MYO9A: variants seen among roughly 807,000 people sequenced by gnomAD.
The protein encoded by MYO9A is unconventional myosin-IXa.
A neutral mutation model predicts 293.3 loss-of-function variants in MYO9A; 103 were observed. That is an observed-to-expected ratio of 0.35 (90% CI 0.30 to 0.41). The LOEUF (loss-of-function observed/expected upper bound fraction) is 0.41. Among genes scored for constraint, MYO9A ranks in the 10% least tolerant of loss-of-function variants. The pLI, the probability that MYO9A is intolerant of heterozygous loss-of-function variation, is 1.00. For synonymous variants in MYO9A, 1,001 were observed against 1,035.7 expected (o/e 0.97, Z 0.64); for missense variants, 2,685 against 3,033.0 (o/e 0.89, Z 2.69).
chr15:71,887,350 G>A (rs557760686), intron 27 of MYO9A, among the ~76,000 whole-genome samples: 22 of 152,034 alleles, frequency 1.4e-4, no homozygotes, highest in Non-Finnish European at 2.2e-4. Flanking sequence ...TAAGCTAAAG[G>A]CAATTAAGAA....
In MYO9A at chr15:71,903,044, T is replaced by C. The variant is rs780704437; in HGVS notation, c.2897A>G (p.His966Arg). 3 of 1,593,616 alleles carry C rather than the reference T, an allele frequency of 1.9e-6. No homozygotes were observed. Among genetic ancestry groups the C allele is most frequent in the East Asian group, 4.5e-5 (2 of 44,660 alleles). Residue 966 changes from histidine (H) to arginine (R), a missense_variant, in exon 22 of 42, where the codon CAT becomes CGT. Coordinates refer to ENST00000356056, the MANE Select transcript of MYO9A (RefSeq NM_006901.4). ...AATAATATTTCGGGGAAGAAGTACA[T>C]GGAAGTGGCTCACAAAATCCTGAAA... Reference protein sequence around the residue: ...YSFQDFVSHFHVLLPRNIIPS... With the variant: ...YSFQDFVSHFRVLLPRNIIPS...
chr15:72,002,269 C>T (rs1332318672), intron 8 of MYO9A, among the ~76,000 whole-genome samples: 3 of 142,290 alleles, frequency 2.1e-5, no homozygotes, highest in Non-Finnish European at 4.6e-5. Context: ...TTTTTTTAGA[C>T]AGAGTTTTAC....
intron 19 of MYO9A, among the ~76,000 whole-genome samples, chr15:71,915,697 C>T (rs1202163670): frequency 1.3e-5 from 2 of 152,060 alleles, no homozygotes; most frequent in East Asian, 3.9e-4. Flanking sequence ...TTTTATACAA[C>T]AGTGAACACT....
chr15:72,075,637 G>A (rs1033060393), intron 1 of MYO9A, among the ~76,000 whole-genome samples: 8 of 151,774 alleles, frequency 5.3e-5, no homozygotes, highest in Non-Finnish European at 8.8e-5. Flanking sequence ...AAATTAAAAC[G>A]AAGAAAGCCA....
Position 72,037,278 on chromosome 15 carries a change from A to C in MYO9A, c.841-4690T>G, listed in dbSNP as rs1041901649. 7.9e-5 allele frequency among the ~76,000 whole-genome samples: 12 copies of C among 151,798 alleles called. 1 individual carries two copies. The highest frequency in any genetic ancestry group is 7.7e-4 in the East Asian group (4 of 5,186). On this transcript the variant is annotated intron_variant, in intron 2 of 41. Transcript: ENST00000356056. ...GAATGGGGCAAAAAAAAAAAAAAAA[A>C]AAAACACCAAACAACTTAAAAGGAA...
chr15:71,845,753 T>C (rs2055357798), intron 39 of MYO9A, among the ~76,000 whole-genome samples: 1 of 152,228 alleles, frequency 6.6e-6, no homozygotes, highest in Non-Finnish European at 1.5e-5. Context: ...TTCTTAACTG[T>C]TAAATTAACT....
At chr15:71,879,867 C>T (rs774711919) in intron 29 of MYO9A, 30 bp from the exon 30 acceptor site, 2 of 1,391,478 alleles carry the variant, frequency 1.4e-6, no homozygotes, top group South Asian at 2.3e-5. Flanking sequence ...TTTTAGTACA[C>T]AATCAACTAA....
intron 34 of MYO9A, among the ~76,000 whole-genome samples, chr15:71,856,615 A>G (rs2055876788): frequency 6.6e-6 from 1 of 152,214 alleles, no homozygotes; most frequent in Non-Finnish European, 1.5e-5. Flanking sequence ...AGGAATAATC[A>G]GTTTATTAGT....
intron 31 of MYO9A, among the ~76,000 whole-genome samples, chr15:71,876,094 C>T (rs2056673774): frequency 6.6e-6 from 1 of 151,852 alleles, no homozygotes; most frequent in Non-Finnish European, 1.5e-5. Flanking sequence ...CAGTTCTGCC[C>T]AGAAGCCACC....
chr15:71,842,066 G>A (rs1232506047), intron 39 of MYO9A, among the ~76,000 whole-genome samples: 1 of 151,956 alleles, frequency 6.6e-6, no homozygotes. Context: ...AATTCTTAAT[G>A]GTTTTACAAA....
chr15:71,881,109 C>A (rs1367905200), intron 28 of MYO9A, among the ~76,000 whole-genome samples: 1 of 151,962 alleles, frequency 6.6e-6, no homozygotes, highest in Non-Finnish European at 1.5e-5. Context: ...AGTAACTCAA[C>A]TGGCTTACTT....
At chr15:71,861,377 A>G (rs2056115474) in intron 33 of MYO9A, among the ~76,000 whole-genome samples, 1 of 151,244 alleles carries the variant, frequency 6.6e-6, no homozygotes, top group Non-Finnish European at 1.5e-5. Context: ...CTAAAGGTTC[A>G]CTGTAAGCCA....
intron 12 of MYO9A, among the ~76,000 whole-genome samples, chr15:71,976,575 T>C (rs1437304441): frequency 6.6e-6 from 1 of 152,182 alleles, no homozygotes; most frequent in Non-Finnish European, 1.5e-5. Flanking sequence ...ACACGGAATA[T>C]CAAAATCACC....
intron 1 of MYO9A, among the ~76,000 whole-genome samples, chr15:72,077,994 G>A (rs1468856524): frequency 6.6e-6 from 1 of 151,954 alleles, no homozygotes; most frequent in Non-Finnish European, 1.5e-5. Context: ...ATGCCTATTA[G>A]AATGGCAAAA....
intron 4 of MYO9A, among the ~76,000 whole-genome samples, chr15:72,021,731 C>T (rs1300341004): frequency 1.3e-5 from 2 of 152,234 alleles, no homozygotes; most frequent in African/African-American, 2.4e-5. Context: ...AACCAAGAAA[C>T]TTAAAAGGAA....
intron 33 of MYO9A, among the ~76,000 whole-genome samples, chr15:71,861,679 T>TAAAAAA (rs66598621): frequency 4.1e-4 from 34 of 82,796 alleles, no homozygotes; most frequent in African/African-American, 6.3e-4. Context: ...ACTGATGATA[T>TAAAAAA]AAAAAAAAAA....
rs754877118 is a variant in MYO9A, at chr15:71,830,347, G to A, written c.6838-36C>T. 2.5e-6 allele frequency: 4 copies of A among 1,584,940 alleles called. No individual in the cohort carries two copies. The East Asian group carries it at 6.7e-5, about 27-fold the overall frequency. On this transcript the variant is annotated intron_variant, in intron 39 of 41. Coordinates refer to ENST00000356056, the MANE Select transcript of MYO9A (RefSeq NM_006901.4). ...AAATTCATGTTAGAAAGTAAATTGA[G>A]TGACTGCATCAGTTTTACATTGCTC...
rs74475742 is a variant in MYO9A at position 71,880,457 on chromosome 15, G to A, written c.5500C>T (p.Arg1834Cys). ...TTGCTAATCTTCACACTTCGCTTGC[G>A]CTTAGCCTTTGGAGAAGGTTCTTTG... Reference protein sequence around the residue: ...ENKEPSPKAKRKRSVKISNVA... With the variant: ...ENKEPSPKAKCKRSVKISNVA... Residue 1834 changes from arginine to cysteine, a missense_variant, in exon 29 of 42, where the codon CGC becomes TGC. Arg to Cys is a radical substitution (Grantham distance 180). Coordinates refer to ENST00000356056, the MANE Select transcript of MYO9A (RefSeq NM_006901.4). 34,354 of 1,614,162 alleles carry A rather than the reference G, an allele frequency of 0.021. 434 individuals are homozygous for A. Among genetic ancestry groups the A allele is most frequent in the Middle Eastern group, 0.029 (173 of 6,062 alleles).
chr15:72,024,926 A>C (rs1221971822), intron 4 of MYO9A, among the ~76,000 whole-genome samples: 1 of 152,208 alleles, frequency 6.6e-6, no homozygotes, highest in Non-Finnish European at 1.5e-5. Context: ...AACAAAAAAA[A>C]ATCGTAACAC....
Sources: allele counts gnomAD v4.1 joint callset (sites outside exome capture counted in the v4.1 genomes callset), GRCh38; gene constraint gnomAD v4.1.1; transcripts MANE v1.5; gene names NCBI Gene and HGNC (gene_info 2026-07-23, HGNC 2026-07-21).